The following TTC29 variants were observed in gnomAD, a reference collection of about 807,000 sequenced individuals.
TTC29 encodes tetratricopeptide repeat protein 29.
A neutral mutation model predicts 58.1 loss-of-function variants in TTC29; 49 were observed. The observed-to-expected ratio is 0.84, with a 90% CI of 0.67 to 1.07. The LOEUF is 1.07. Among genes scored for constraint, TTC29 ranks in the 50% least tolerant of loss-of-function variants. TTC29 has a pLI of 0.00. For missense variants in TTC29, 582 were observed against 555.6 expected (o/e 1.05, Z -0.48); for synonymous variants, 209 against 196.8 (o/e 1.06, Z -0.52).
chr4:146,759,444 C>A (rs914058551), intron 11 of TTC29, among the ~76,000 whole-genome samples: 11 of 152,016 alleles, frequency 7.2e-5, no homozygotes, highest in African/African-American at 2.7e-4. Flanking sequence ...ATGAAGCCAG[C>A]ATAACCCTAA....
intron 9 of TTC29, among the ~76,000 whole-genome samples, chr4:146,821,499 T>C (rs929505221): frequency 6.6e-6 from 1 of 152,186 alleles, no homozygotes; most frequent in Non-Finnish European, 1.5e-5. Flanking sequence ...AAGCTTTCAT[T>C]GGTAGTGAAA....
At chr4:146,719,192 GTGT>G (rs1743172396) in intron 11 of TTC29, among the ~76,000 whole-genome samples, 2 of 93,592 alleles carry the variant, frequency 2.1e-5, no homozygotes, top group Non-Finnish European at 2.3e-5. Context: ...CTATTGGGGT[GTGT>G]GTGTGTGTGT....
At chr4:146,902,813 C>T (rs1451276876) in intron 6 of TTC29, among the ~76,000 whole-genome samples, 2 of 152,170 alleles carry the variant, frequency 1.3e-5, no homozygotes, top group Non-Finnish European at 2.9e-5. Context: ...CTATGCAGTC[C>T]TAGTCACAAA....
At chr4:146,812,960 C>T (rs1018947080) in intron 10 of TTC29, 1 of 152,140 alleles carries the variant, frequency 6.6e-6, no homozygotes, top group Admixed American at 6.5e-5. Flanking sequence ...TGACAATATG[C>T]ATCCTAAATG....
intron 6 of TTC29, among the ~76,000 whole-genome samples, chr4:146,898,742 C>T (rs1207409504): frequency 6.6e-6 from 1 of 152,138 alleles, no homozygotes; most frequent in Non-Finnish European, 1.5e-5. Flanking sequence ...AGACTCAAAG[C>T]TAATGGGTTG....
intron 11 of TTC29, among the ~76,000 whole-genome samples, chr4:146,732,820 C>T (rs1213855299): frequency 1.3e-5 from 2 of 152,252 alleles, no homozygotes; most frequent in African/African-American, 2.4e-5. Flanking sequence ...AAGAGGAATA[C>T]AGCCTTATTA....
intron 11 of TTC29, among the ~76,000 whole-genome samples, chr4:146,774,034 G>A (rs1747915388): frequency 6.6e-6 from 1 of 152,084 alleles, no homozygotes; most frequent in Non-Finnish European, 1.5e-5. Flanking sequence ...TGTGCATAGA[G>A]TTGTTCATGT....
At chr4:146,875,019 G>A in intron 6 of TTC29, 91 bp from the exon 7 acceptor site, 1 of 885,914 alleles carries the variant, frequency 1.1e-6, no homozygotes, top group Non-Finnish European at 1.8e-6. Flanking sequence ...TTATTCAATG[G>A]AGAAACACCG....
chr4:146,909,578 C>CA (rs36032666), intron 4 of TTC29, among the ~76,000 whole-genome samples: 69,964 of 151,500 alleles, frequency 0.46, 16,761 homozygotes, highest in African/African-American at 0.57. Context: ...AGCCTCCCAC[C>CA]AAAAAAAACC....
chr4:146,774,346 T>A (rs1175803045), intron 11 of TTC29, among the ~76,000 whole-genome samples: 1 of 152,146 alleles, frequency 6.6e-6, no homozygotes, highest in African/African-American at 2.4e-5. Flanking sequence ...ATCTTTCTAA[T>A]TTTTTGATGT....
intron 11 of TTC29, among the ~76,000 whole-genome samples, chr4:146,777,824 T>C (rs955687249): frequency 6.6e-6 from 1 of 152,190 alleles, no homozygotes; most frequent in Non-Finnish European, 1.5e-5. Flanking sequence ...TAACTGGATA[T>C]GGTGTGTGAG....
intron 11 of TTC29, among the ~76,000 whole-genome samples, chr4:146,708,340 A>ATATATACATG (rs1554002733): frequency 4.9e-5 from 2 of 40,450 alleles, no homozygotes; most frequent in African/African-American, 1.3e-4. Flanking sequence ...ATATATATAT[A>ATATATACATG]TATATATATA....
At chr4:146,864,223 C>G (rs565142406) in intron 8 of TTC29, among the ~76,000 whole-genome samples, 4 of 152,090 alleles carry the variant, frequency 2.6e-5, no homozygotes, top group African/African-American at 7.2e-5. Context: ...CATTCCCTAC[C>G]CCCGAAAACA....
At chr4:146,833,535 A>AT (rs1390957066) in intron 9 of TTC29, among the ~76,000 whole-genome samples, 1 of 152,104 alleles carries the variant, frequency 6.6e-6, no homozygotes, top group Non-Finnish European at 1.5e-5. Context: ...ATGTGACCCG[A>AT]TTTTTTTCTC....
chr4:146,743,413 T>C (rs1000709870), intron 11 of TTC29, among the ~76,000 whole-genome samples: 8 of 152,202 alleles, frequency 5.3e-5, no homozygotes, highest in Non-Finnish European at 8.8e-5. Context: ...CAAACTCTAA[T>C]GCCAAAATTA....
chr4:146,939,501 C>G (rs1736161644), intron 3 of TTC29, among the ~76,000 whole-genome samples: 1 of 152,170 alleles, frequency 6.6e-6, no homozygotes, highest in African/African-American at 2.4e-5. Flanking sequence ...CTTCTGCTTT[C>G]TGTTCTCCAT....
chr4:146,807,619 C>CT (rs1234790767), intron 10 of TTC29, among the ~76,000 whole-genome samples: 1 of 152,124 alleles, frequency 6.6e-6, no homozygotes, highest in African/African-American at 2.4e-5. Context: ...TACCTCTATG[C>CT]AAATAACTAG....
At chr4:146,927,470 CTT>C (rs1241781585) in intron 4 of TTC29, among the ~76,000 whole-genome samples, 3 of 152,104 alleles carry the variant, frequency 2.0e-5, no homozygotes, top group Non-Finnish European at 4.4e-5. Context: ...TCTACACTCT[CTT>C]TCCATTTTTT....
chr4:146,855,433 A>G (rs1729783276), intron 8 of TTC29, among the ~76,000 whole-genome samples: 1 of 152,200 alleles, frequency 6.6e-6, no homozygotes, highest in Non-Finnish European at 1.5e-5. Context: ...TCCATCTCAA[A>G]CAAACAAACA....
Sources: allele counts gnomAD v4.1 joint callset (sites outside exome capture counted in the v4.1 genomes callset), GRCh38; gene constraint gnomAD v4.1.1; transcripts MANE v1.5; gene names NCBI Gene and HGNC (gene_info 2026-07-23, HGNC 2026-07-21).